MIPOL1: variants seen among roughly 807,000 people sequenced by gnomAD.
MIPOL1 encodes mirror-image polydactyly 1.
Under a neutral mutation model 60.9 loss-of-function variants are expected in MIPOL1, and 57 were observed. The ratio of observed to expected loss-of-function variants is 0.94; its 90% CI spans 0.76 to 1.17. The LOEUF is 1.17. Among genes scored for constraint, MIPOL1 ranks in the 50% most tolerant of loss-of-function variants. The pLI, the probability that MIPOL1 is intolerant of heterozygous loss-of-function variation, is 0.00. For missense variants in MIPOL1, 551 were observed against 511.6 expected, an observed-to-expected ratio of 1.08 and a Z score of -0.74; for synonymous variants, 179 against 168.8, an observed-to-expected ratio of 1.06 and a Z score of -0.47.
intron 11 of MIPOL1, among the ~76,000 whole-genome samples, chr14:37,433,545 T>C (rs1017708715): frequency 2.6e-5 from 4 of 152,064 alleles, no homozygotes; most frequent in African/African-American, 9.7e-5. Context: ...GCAAAGGACA[T>C]GAACTCATTC....
intron 9 of MIPOL1, among the ~76,000 whole-genome samples, chr14:37,366,040 T>C (rs1046842443): frequency 6.6e-6 from 1 of 152,068 alleles, no homozygotes; most frequent in African/African-American, 2.4e-5. Flanking sequence ...ATTTCTGTCA[T>C]ATTGTTTATA....
At chr14:37,323,829 T>G (rs2088869825) in intron 9 of MIPOL1, among the ~76,000 whole-genome samples, 2 of 152,042 alleles carry the variant, frequency 1.3e-5, no homozygotes, top group Admixed American at 6.6e-5. Flanking sequence ...TTGTTTTGCT[T>G]CTTCTAGAAT....
intron 10 of MIPOL1, among the ~76,000 whole-genome samples, chr14:37,405,002 T>C (rs1002181896): frequency 1.3e-5 from 2 of 152,202 alleles, no homozygotes; most frequent in African/African-American, 4.8e-5. Flanking sequence ...TCCTCACTTT[T>C]TTTTTCTTAC....
Position 37,454,474 on chromosome 14 carries a change from C to T in MIPOL1, c.1031+31525C>T, listed in dbSNP as rs114087703. On this transcript the variant is annotated intron_variant, in intron 11 of 12. Coordinates refer to ENST00000684589, the MANE Select transcript of MIPOL1 (RefSeq NM_001388067.1). ...GCTCATAACAGCTGTGTGAAATAAGCAGTATTATCTGTCTTACAATTGAGA... is the reference window on the plus strand; with the variant it reads ...GCTCATAACAGCTGTGTGAAATAAGTAGTATTATCTGTCTTACAATTGAGA... Among the ~76,000 whole-genome samples, 37 of 152,254 alleles carry T rather than the reference C, an allele frequency of 2.4e-4. No homozygotes were observed. The Middle Eastern group carries it at 0.01, about 42-fold the overall frequency.
intron 10 of MIPOL1, among the ~76,000 whole-genome samples, chr14:37,404,178 CTAAAA>C (rs1040059140): frequency 1.3e-5 from 2 of 152,112 alleles, no homozygotes; most frequent in African/African-American, 2.4e-5. Flanking sequence ...TGTCTACAAA[CTAAAA>C]TGTTTTTATT....
intron 10 of MIPOL1, among the ~76,000 whole-genome samples, chr14:37,389,013 T>A (rs1042581002): frequency 1.3e-5 from 2 of 152,032 alleles, no homozygotes; most frequent in Non-Finnish European, 2.9e-5. Flanking sequence ...AATTCTAGAA[T>A]TGGGTCTTTT....
At chr14:37,302,262 G>GTTTT (rs57468146) in intron 7 of MIPOL1, among the ~76,000 whole-genome samples, 18 of 95,034 alleles carry the variant, frequency 1.9e-4, no homozygotes, top group East Asian at 3.5e-4. Flanking sequence ...TGGAACTGTT[G>GTTTT]TTTTTTTTTT....
intron 9 of MIPOL1, among the ~76,000 whole-genome samples, chr14:37,345,420 T>C (rs377250214): frequency 2.0e-4 from 30 of 152,332 alleles, no homozygotes; most frequent in African/African-American, 7.2e-4. Flanking sequence ...TTTAAAATTT[T>C]TAAATTGTCA....
intron 12 of MIPOL1, among the ~76,000 whole-genome samples, chr14:37,526,128 C>A (rs576644003): frequency 1.3e-5 from 2 of 150,612 alleles, no homozygotes; most frequent in South Asian, 4.2e-4. Context: ...AATATGATTT[C>A]TTAATAATTT....
At chr14:37,404,231 A>T (rs914658513) in intron 10 of MIPOL1, among the ~76,000 whole-genome samples, 22 of 152,260 alleles carry the variant, frequency 1.4e-4, no homozygotes, top group Middle Eastern at 3.4e-3. Context: ...TTCTTTGTAT[A>T]CATGAAATGT....
intron 6 of MIPOL1, 62 bp from the exon 7 acceptor site, chr14:37,285,256 T>A (rs2084454938): frequency 1.9e-6 from 3 of 1,580,252 alleles, no homozygotes; most frequent in Non-Finnish European, 2.6e-6. Flanking sequence ...TTATTTTTGC[T>A]AAAGGTATAC....
intron 9 of MIPOL1, among the ~76,000 whole-genome samples, chr14:37,357,256 A>G (rs1397498958): frequency 1.3e-5 from 2 of 152,146 alleles, no homozygotes; most frequent in Non-Finnish European, 1.5e-5. Context: ...ATTTTCTCCC[A>G]TATTGTCTCT....
chr14:37,359,809 A>C (rs2092111743), intron 9 of MIPOL1, among the ~76,000 whole-genome samples: 1 of 152,118 alleles, frequency 6.6e-6, no homozygotes, highest in African/African-American at 2.4e-5. Context: ...AATATCTTTT[A>C]TTTCTTTCTC....
At chr14:37,459,162 A>C (rs1416324429) in intron 11 of MIPOL1, among the ~76,000 whole-genome samples, 2 of 152,144 alleles carry the variant, frequency 1.3e-5, no homozygotes, top group Non-Finnish European at 2.9e-5. Context: ...AAGAAATAAC[A>C]AAGCTCAGAG....
intron 9 of MIPOL1, among the ~76,000 whole-genome samples, chr14:37,328,151 T>C (rs535357791): frequency 6.6e-6 from 1 of 152,242 alleles, no homozygotes; most frequent in East Asian, 1.9e-4. Context: ...TAGCTGGGAT[T>C]ACAGGTGCCC....
intron 7 of MIPOL1, among the ~76,000 whole-genome samples, chr14:37,307,539 C>T (rs962493739): frequency 6.6e-6 from 1 of 151,872 alleles, no homozygotes; most frequent in Non-Finnish European, 1.5e-5. Context: ...TTGTGGTCAG[C>T]CTTCCTATGC....
At chr14:37,318,144 T>C (rs1474929166) in intron 9 of MIPOL1, among the ~76,000 whole-genome samples, 1 of 152,176 alleles carries the variant, frequency 6.6e-6, no homozygotes, top group Non-Finnish European at 1.5e-5. Flanking sequence ...TTGATGAGCA[T>C]ACCTAGAATC....
At chr14:37,277,403 T>G (rs904583159) in intron 6 of MIPOL1, 11 of 151,242 alleles carry the variant, frequency 7.3e-5, no homozygotes, top group Non-Finnish European at 1.6e-4. Context: ...CAGTACTGAT[T>G]TTAATGCTTC....
At chr14:37,491,148 C>G (rs751427647) in intron 11 of MIPOL1, among the ~76,000 whole-genome samples, 7 of 152,178 alleles carry the variant, frequency 4.6e-5, no homozygotes, top group Non-Finnish European at 8.8e-5. Context: ...CTTCCCACAT[C>G]ACCAAATTTA....
Sources: allele counts gnomAD v4.1 joint callset (sites outside exome capture counted in the v4.1 genomes callset), GRCh38; gene constraint gnomAD v4.1.1; transcripts MANE v1.5; gene names NCBI Gene and HGNC (gene_info 2026-07-23, HGNC 2026-07-21).